SLC37A3: variants seen among roughly 807,000 people sequenced by gnomAD.
SLC37A3 encodes sugar phosphate exchanger 3.
A neutral mutation model predicts 67.1 loss-of-function variants in SLC37A3; 51 were observed. That is an observed-to-expected ratio of 0.76 (90% CI 0.61 to 0.96). The LOEUF is 0.96. Among genes scored for constraint, SLC37A3 ranks in the 40% least tolerant of loss-of-function variants. SLC37A3 has a pLI of 0.00. For missense variants in SLC37A3, 508 were observed against 603.0 expected, an observed-to-expected ratio of 0.84 and a Z score of 1.65; for synonymous variants, 214 against 231.4, an observed-to-expected ratio of 0.92 and a Z score of 0.68.
At chr7:140,359,596 T>C (rs1211189344) in intron 5 of SLC37A3, among the ~76,000 whole-genome samples, 3 of 152,208 alleles carry the variant, frequency 2.0e-5, no homozygotes, top group South Asian at 2.1e-4. Flanking sequence ...TGTGATCTGC[T>C]GAATCATTTA....
chr7:140,373,121 T>C (rs1797890120), intron 3 of SLC37A3, among the ~76,000 whole-genome samples: 1 of 151,910 alleles, frequency 6.6e-6, no homozygotes, highest in Non-Finnish European at 1.5e-5. Context: ...CCGGCTAATT[T>C]TTGTATTTTT....
rs368102530 is a variant in SLC37A3 at position 140,351,296 on chromosome 7, A to G, written c.859T>C (p.Cys287Arg). 8.5e-5 allele frequency: 137 copies of G among 1,614,062 alleles called. No individual in the cohort carries two copies. Among genetic ancestry groups the G allele is most frequent in the Non-Finnish European group, 1.1e-4 (135 of 1,180,020 alleles). ...QVKAISFYQA[C>R]CLPGVIPYSL... The stretch of plus-strand genomic sequence containing the variant: ...ACCGGTATGACTCCAGGAAGGCAAC[A>G]TGCCTGGTAGAAGCTTATCGCCTTG... The change falls in exon 9 of 15, where the codon TGT becomes CGT. Residue 287 changes from cysteine (C) to arginine (R), a missense_variant. By Grantham distance (180) the Cys-to-Arg change is radical (BLOSUM62 -3). Transcript: ENST00000326232.
chr7:140,389,571 G>A (rs1220916994), intron 1 of SLC37A3, among the ~76,000 whole-genome samples: 5 of 152,132 alleles, frequency 3.3e-5, no homozygotes, highest in African/African-American at 9.7e-5. Flanking sequence ...CTGCAAAGCC[G>A]GCTCTGTGAG....
intron 5 of SLC37A3, among the ~76,000 whole-genome samples, chr7:140,363,068 T>TGG (rs772752394): frequency 2.1e-5 from 1 of 47,542 alleles, no homozygotes; most frequent in East Asian, 7.0e-4. Flanking sequence ...GGGAGGGTGG[T>TGG]GGGGGGGGTC....
At chr7:140,361,843 C>T (rs2117144356) in intron 5 of SLC37A3, among the ~76,000 whole-genome samples, 1 of 143,516 alleles carries the variant, frequency 7.0e-6, no homozygotes, top group Admixed American at 6.9e-5. Flanking sequence ...GAGTCTCGTT[C>T]ACTCAGTGCT....
intron 13 of SLC37A3, chr7:140,337,581 G>A (rs1232610614): frequency 5.7e-6 from 2 of 349,636 alleles, no homozygotes; most frequent in African/African-American, 2.1e-5. Flanking sequence ...CAGTTCAGAA[G>A]GTTTATTTTT....
At chr7:140,362,898 A>T (rs1180058955) in intron 5 of SLC37A3, among the ~76,000 whole-genome samples, 1 of 9,390 alleles carries the variant, frequency 1.1e-4, no homozygotes, top group African/African-American at 4.0e-4. Flanking sequence ...TCCGGGAGGG[A>T]GGCGGGGGGG....
At chr7:140,355,136 A>T (rs970433902) in intron 7 of SLC37A3, among the ~76,000 whole-genome samples, 3 of 151,964 alleles carry the variant, frequency 2.0e-5, no homozygotes, top group Admixed American at 1.3e-4. Context: ...GTTACGAATA[A>T]TTTTTTATGT....
chr7:140,377,857 C>A (rs1036162559), intron 3 of SLC37A3, among the ~76,000 whole-genome samples: 6 of 151,950 alleles, frequency 3.9e-5, no homozygotes, highest in African/African-American at 1.5e-4. Context: ...ATAGCAAGAG[C>A]CCCGTCTCTT....
intron 1 of SLC37A3, among the ~76,000 whole-genome samples, chr7:140,395,980 G>A (rs971923375): frequency 8.6e-5 from 13 of 151,912 alleles, no homozygotes; most frequent in Admixed American, 8.5e-4. Flanking sequence ...TGTATATGTT[G>A]CAGTTTAGCG....
intron 1 of SLC37A3, among the ~76,000 whole-genome samples, chr7:140,394,162 C>T (rs960399835): frequency 6.6e-6 from 1 of 151,782 alleles, no homozygotes; most frequent in Non-Finnish European, 1.5e-5. Context: ...CAGAGTGAGA[C>T]CCCATATCAA....
In SLC37A3 at chr7:140,358,792, G is replaced by A. The variant is rs1797141848; in HGVS notation, c.376-7C>T. 6.2e-7 allele frequency: 1 copy of A among 1,613,364 alleles called. No individual in the cohort carries two copies. The highest frequency in any genetic ancestry group is 1.7e-5 in the Admixed American group (1 of 59,980). On this transcript the variant is annotated splice_polypyrimidine_tract_variant and splice_region_variant and intron_variant, in intron 5 of 14. Transcript: ENST00000326232. ...GCGCACCAAAGACAAACACCTTGAA[G>A]AGGAGGAAACAAAAGGAATATGTAA...
chr7:140,393,067 G>A (rs1798783153), intron 1 of SLC37A3, among the ~76,000 whole-genome samples: 1 of 152,074 alleles, frequency 6.6e-6, no homozygotes, highest in Admixed American at 6.6e-5. Context: ...ACTCCAGCCT[G>A]GGTGACAGAG....
chr7:140,373,753 G>A (rs907689544), intron 3 of SLC37A3, among the ~76,000 whole-genome samples: 2 of 149,650 alleles, frequency 1.3e-5, no homozygotes, highest in Admixed American at 1.3e-4. Flanking sequence ...AAGCGATCCA[G>A]CATTAGCTTC....
intron 2 of SLC37A3, among the ~76,000 whole-genome samples, chr7:140,380,961 A>ATC (rs1324576546): frequency 7.2e-6 from 1 of 139,766 alleles, no homozygotes; most frequent in Non-Finnish European, 1.5e-5. Flanking sequence ...CAGTGCTGTG[A>ATC]TCTCAGCTCA....
At position 140,337,351 on chromosome 7, in the gene SLC37A3, T is replaced by C; in HGVS notation, c.1327-2A>G. On this transcript the variant is annotated splice_acceptor_variant, in intron 13 of 14. Transcript: ENST00000326232. LOFTEE classifies it high-confidence loss of function. ...GTCCCGGATCAGAGACACTAAATAC[T>C]GAAAGGGAGGAAAAAAAAATTACAA... is the stretch of plus-strand genomic sequence containing the variant. The C allele has an allele frequency of 6.3e-7, 1 of 1,578,622 alleles. No homozygotes were observed. The highest frequency in any genetic ancestry group is 8.6e-7 in the Non-Finnish European group (1 of 1,166,502).
chr7:140,347,314 T>C (rs1270706429), intron 10 of SLC37A3, among the ~76,000 whole-genome samples: 5 of 150,244 alleles, frequency 3.3e-5, no homozygotes, highest in Admixed American at 1.3e-4. Context: ...TTAGCAGTTA[T>C]GGTTTGCTAA....
chr7:140,337,457 G>C, intron 13 of SLC37A3, 108 bp from the exon 14 acceptor site: 1 of 898,752 alleles, frequency 1.1e-6, no homozygotes, highest in East Asian at 2.9e-5. Context: ...GAAGGGAACA[G>C]GATTTGTATG....
intron 5 of SLC37A3, among the ~76,000 whole-genome samples, chr7:140,362,313 G>C (rs1306576344): frequency 1.5e-5 from 2 of 137,118 alleles, no homozygotes; most frequent in East Asian, 4.7e-4. Context: ...CCTCTGCCTG[G>C]CAACCGCCCC....
Sources: gnomAD v4.1 joint callset for allele counts (sites outside exome capture counted in the v4.1 genomes callset) on GRCh38, gnomAD v4.1.1 for gene constraint, MANE v1.5 for transcripts, NCBI Gene and HGNC (gene_info 2026-07-23, HGNC 2026-07-21) for gene names.